Variants in CDH22 observed in about 807,000 individuals in gnomAD.
CDH22 encodes cadherin 22, also known as cadherin-22.
Under a neutral mutation model 58.4 loss-of-function variants are expected in CDH22, and 30 were observed. That is an observed-to-expected ratio of 0.51 (90% CI 0.38 to 0.70). The LOEUF (loss-of-function observed/expected upper bound fraction) is 0.70, where lower values mean the gene tolerates loss of function less well. Ranked by LOEUF, CDH22 falls within the 30% of genes least tolerant of loss-of-function variation. The pLI, the probability that CDH22 is intolerant of heterozygous loss-of-function variation, is 0.00. For missense variants in CDH22, 1,014 were observed against 1,233.9 expected, an observed-to-expected ratio of 0.82 and a Z score of 2.67; for synonymous variants, 513 against 558.2, an observed-to-expected ratio of 0.92 and a Z score of 1.14.
Position 46,186,826 on chromosome 20 carries a change from C to T in CDH22, c.1545G>A (p.Gln515=). The T allele has an allele frequency of 1.2e-6, 2 of 1,601,276 alleles. No homozygotes were observed. The highest frequency in any genetic ancestry group is 1.7e-6 in the Non-Finnish European group (2 of 1,172,958). Residue 515 remains glutamine (Q), a splice_region_variant and synonymous_variant, in exon 9 of 12, where the codon CAG becomes CAA. Transcript: ENST00000537909. ...CCAGTCCCCACCCCCTCAGGGGTAC[C>T]TGGCCTGGCTTGGCATCCTCGCATA... is the stretch of plus-strand genomic sequence containing the variant. ...AAVCEDAKPG[Q]LIQTISVVDR...
chr20:46,275,546 C>T (rs2086513406), intron 1 of CDH22, among the ~76,000 whole-genome samples: 2 of 152,164 alleles, frequency 1.3e-5, no homozygotes, highest in African/African-American at 4.8e-5. Flanking sequence ...CTCCATAGCA[C>T]GTACACTTCA....
intron 8 of CDH22, among the ~76,000 whole-genome samples, chr20:46,194,025 C>T (rs1296529034): frequency 6.6e-6 from 1 of 152,036 alleles, no homozygotes; most frequent in African/African-American, 2.4e-5. Flanking sequence ...ACCACACACA[C>T]AAAAACAAAA....
intron 1 of CDH22, among the ~76,000 whole-genome samples, chr20:46,289,722 G>A (rs532598352): frequency 6.6e-6 from 1 of 152,340 alleles, no homozygotes; most frequent in South Asian, 2.1e-4. Flanking sequence ...GCTAGACAGA[G>A]CTGCCTACTG....
intron 3 of CDH22, among the ~76,000 whole-genome samples, chr20:46,233,877 G>T (rs1674082607): frequency 6.6e-6 from 1 of 152,214 alleles, no homozygotes; most frequent in African/African-American, 2.4e-5. Context: ...GATCTTCCTG[G>T]ACTTTAATTA....
intron 4 of CDH22, among the ~76,000 whole-genome samples, chr20:46,226,186 C>T (rs2086169800): frequency 6.6e-6 from 1 of 152,138 alleles, no homozygotes; most frequent in African/African-American, 2.4e-5. Flanking sequence ...CTGAGCCATA[C>T]CCTGTACCTG....
chr20:46,276,582 T>C (rs922533131), intron 1 of CDH22, among the ~76,000 whole-genome samples: 2 of 152,196 alleles, frequency 1.3e-5, no homozygotes, highest in Non-Finnish European at 2.9e-5. Context: ...TCTCCTTTAA[T>C]CCACACATCA....
chr20:46,281,653 G>A (rs2086551438), intron 1 of CDH22, among the ~76,000 whole-genome samples: 1 of 152,208 alleles, frequency 6.6e-6, no homozygotes, highest in Non-Finnish European at 1.5e-5. Context: ...AACACAGAGT[G>A]CATTATTTCG....
At chr20:46,224,820 AT>A (rs2086159387) in intron 4 of CDH22, among the ~76,000 whole-genome samples, 1 of 152,034 alleles carries the variant, frequency 6.6e-6, no homozygotes. Flanking sequence ...CGGCATCTCA[AT>A]CAATCCTCAC....
At chr20:46,211,140 T>C (rs913236184) in intron 6 of CDH22, among the ~76,000 whole-genome samples, 1 of 152,220 alleles carries the variant, frequency 6.6e-6, no homozygotes, top group Non-Finnish European at 1.5e-5. Context: ...AAATCCATGC[T>C]GAGCCTGTGC....
At chr20:46,207,316 A>G (rs2086008363) in intron 7 of CDH22, among the ~76,000 whole-genome samples, 1 of 151,994 alleles carries the variant, frequency 6.6e-6, no homozygotes, top group African/African-American at 2.4e-5. Flanking sequence ...GGGTGTGGAG[A>G]GTGGAATTGG....
At chr20:46,194,567 C>T (rs1487224269) in intron 8 of CDH22, among the ~76,000 whole-genome samples, 1 of 152,188 alleles carries the variant, frequency 6.6e-6, no homozygotes, top group Non-Finnish European at 1.5e-5. Context: ...AGATTCTCTC[C>T]CTGACTATTA....
intron 4 of CDH22, among the ~76,000 whole-genome samples, chr20:46,218,280 C>T (rs188639874): frequency 1.5e-3 from 232 of 152,330 alleles, no homozygotes; most frequent in Non-Finnish European, 2.0e-3. Context: ...TGCATTTTCT[C>T]ACACACAGAC....
intron 1 of CDH22, among the ~76,000 whole-genome samples, chr20:46,271,329 G>A (rs185463665): frequency 3.3e-4 from 50 of 152,306 alleles, no homozygotes; most frequent in Non-Finnish European, 5.4e-4. Context: ...CCTGGAATCT[G>A]AGAAAGCTTA....
In CDH22 at chr20:46,303,420, A is replaced by G. The variant is rs562571921; in HGVS notation, c.-400+4835T>C. Among the ~76,000 whole-genome samples, 10 of 152,258 alleles carry G rather than the reference A, an allele frequency of 6.6e-5. No individual in the cohort carries two copies. In the East Asian group the frequency reaches 7.7e-4, roughly 12 times the overall value. ...GCTGTCACAGTTATGAGAATTGTTC[A>G]TCTTCCTCCCTGGACCACCAGACTC... On this transcript the variant is annotated intron_variant, in intron 1 of 11. Transcript: ENST00000537909.
At chr20:46,192,282 C>T (rs1469106180) in intron 8 of CDH22, among the ~76,000 whole-genome samples, 1 of 152,134 alleles carries the variant, frequency 6.6e-6, no homozygotes, top group East Asian at 1.9e-4. Flanking sequence ...CTGACCATGG[C>T]CACGCTCCAG....
intron 1 of CDH22, among the ~76,000 whole-genome samples, chr20:46,282,069 G>A (rs1024412720): frequency 4.6e-5 from 7 of 152,212 alleles, no homozygotes; most frequent in Non-Finnish European, 7.3e-5. Context: ...ACTTGAATAC[G>A]AATACCTTCC....
intron 7 of CDH22, among the ~76,000 whole-genome samples, chr20:46,204,847 G>C (rs1388031561): frequency 6.6e-6 from 1 of 152,180 alleles, no homozygotes; most frequent in Non-Finnish European, 1.5e-5. Flanking sequence ...TGCACGTGTG[G>C]TTTTCCTCTA....
chr20:46,178,330 T>G, intron 10 of CDH22, 133 bp from the exon 11 acceptor site: 1 of 952,306 alleles, frequency 1.1e-6, no homozygotes, highest in Non-Finnish European at 1.5e-6. Context: ...GACTCATGGG[T>G]CTCTTCTCTG....
At chr20:46,181,688 C>CTTTCT (rs199578035) in intron 10 of CDH22, among the ~76,000 whole-genome samples, 25 of 138,514 alleles carry the variant, frequency 1.8e-4, no homozygotes, top group East Asian at 4.2e-4. Flanking sequence ...TCCTTTCCCT[C>CTTTCT]TTTCTTTTCT....
Sources: gnomAD v4.1 joint callset for allele counts (sites outside exome capture counted in the v4.1 genomes callset) on GRCh38, gnomAD v4.1.1 for gene constraint, MANE v1.5 for transcripts, NCBI Gene and HGNC (gene_info 2026-07-23, HGNC 2026-07-21) for gene names.